Variants in DMD observed in about 807,000 individuals in gnomAD.
The protein encoded by DMD is dystrophin.
DMD carries 63 observed loss-of-function variants against 330.1 expected under a neutral mutation model. The observed-to-expected ratio is 0.19, with a 90% CI of 0.16 to 0.24. The LOEUF (loss-of-function observed/expected upper bound fraction) is 0.24, where lower values mean the gene tolerates loss of function less well. DMD is among the 10% of genes least tolerant of loss of function. The pLI is 1.00. For missense variants in DMD, 3,344 were observed against 2,684.1 expected (o/e 1.25, Z -5.43); for synonymous variants, 1,223 against 959.8 (o/e 1.27, Z -5.07).
intron 7 of DMD, among the ~76,000 whole-genome samples, chrX:32,807,122 TAAAAAAAAAAAAAAAAA>T (rs999286386): frequency 4.8e-5 from 1 of 20,744 alleles, no homozygotes; most frequent in South Asian, 2.2e-3. Flanking sequence ...CGGAAACATT[TAAAAAAAAAAAAAAAAA>T]AAAAAAAAAA....
At chrX:31,265,947 A>G (rs959694803) in intron 62 of DMD, among the ~76,000 whole-genome samples, 5 of 108,830 alleles carry the variant, frequency 4.6e-5, no homozygotes, top group Middle Eastern at 9.2e-3. Context: ...AACAGTTTAT[A>G]ATTAATATTA....
intron 9 of DMD, among the ~76,000 whole-genome samples, chrX:32,674,877 CTT>C (rs1344742766): frequency 1.8e-5 from 2 of 111,198 alleles, no homozygotes; most frequent in African/African-American, 6.5e-5. Flanking sequence ...ACCTTGAACT[CTT>C]TACTTAGCCA....
intron 53 of DMD, among the ~76,000 whole-genome samples, chrX:31,672,819 G>A (rs779551219): frequency 8.9e-6 from 1 of 111,768 alleles, no homozygotes; most frequent in African/African-American, 3.3e-5. Context: ...CATGTCAGAG[G>A]TTGCCAAAAT....
intron 43 of DMD, among the ~76,000 whole-genome samples, chrX:32,252,953 TAA>T (rs897143846): frequency 1.4e-4 from 13 of 89,666 alleles, no homozygotes; most frequent in Non-Finnish European, 2.7e-4. Context: ...TAAATATATA[TAA>T]ATATATATAT....
chrX:31,753,982 C>A (rs1399403954), intron 51 of DMD, among the ~76,000 whole-genome samples: 4 of 111,346 alleles, frequency 3.6e-5, no homozygotes, highest in African/African-American at 1.3e-4. Flanking sequence ...TTGTTTTCTA[C>A]AGCACAATGA....
At chrX:31,629,764 GA>G (rs2079040256) in intron 54 of DMD, among the ~76,000 whole-genome samples, 3 of 111,813 alleles carry the variant, frequency 2.7e-5, no homozygotes, top group Admixed American at 1.9e-4. Context: ...CTTACAGTTT[GA>G]ACCATGTGTA....
chrX:32,401,141 T>C (rs2098083359), intron 30 of DMD, among the ~76,000 whole-genome samples: 1 of 86,287 alleles, frequency 1.2e-5, no homozygotes, highest in African/African-American at 4.7e-5. Context: ...TGAGAGCACA[T>C]GGACACAGGA....
chrX:33,089,521 C>A (rs756372880), intron 1 of DMD, among the ~76,000 whole-genome samples: 1 of 109,770 alleles, frequency 9.1e-6, no homozygotes, highest in African/African-American at 3.3e-5. Context: ...TAGTGAGACA[C>A]CATCTCAAAA....
intron 9 of DMD, among the ~76,000 whole-genome samples, chrX:32,662,573 C>T (rs1372733945): frequency 9.0e-6 from 1 of 111,621 alleles, no homozygotes; most frequent in African/African-American, 3.3e-5. Flanking sequence ...TTTATTAACA[C>T]GGGTTGTTCC....
chrX:31,970,290 G>A (rs903466843), intron 44 of DMD, among the ~76,000 whole-genome samples: 4 of 110,263 alleles, frequency 3.6e-5, no homozygotes, highest in African/African-American at 1.3e-4. Flanking sequence ...TAGAAAGAAA[G>A]GAAGGGAGGA....
chrX:32,190,555 T>G lies in DMD; in HGVS notation c.6438+26361A>C, dbSNP rs1329892184. Among the ~76,000 whole-genome samples, 3 of 67,594 alleles carry G rather than the reference T, an allele frequency of 4.4e-5. No individual in the cohort carries two copies. The Admixed American group carries it at 4.9e-4, about 11-fold the overall frequency. 58.7% of individuals were successfully genotyped at this position (67,594 alleles called of 115,157 possible). ...AGCTAACCATATTTAAAATTTTATA[T>G]ATATATATATATATATATATATATA... is the stretch of plus-strand genomic sequence containing the variant. On this transcript the variant is annotated intron_variant, in intron 44 of 78. Transcript: ENST00000357033.
intron 45 of DMD, among the ~76,000 whole-genome samples, chrX:31,967,498 C>T (rs1017930987): frequency 2.8e-5 from 3 of 108,540 alleles, no homozygotes; most frequent in Non-Finnish European, 5.8e-5. Context: ...TACATCTTAA[C>T]GAAAGATATT....
chrX:31,990,138 G>A (rs947686524), intron 44 of DMD, among the ~76,000 whole-genome samples: 5 of 112,335 alleles, frequency 4.5e-5, no homozygotes, highest in African/African-American at 1.3e-4. Flanking sequence ...ATAAACTAGC[G>A]CTTAATGTCT....
chrX:31,691,000 GGAGA>G (rs1412060031), intron 52 of DMD, among the ~76,000 whole-genome samples: 2 of 110,392 alleles, frequency 1.8e-5, no homozygotes, highest in African/African-American at 6.6e-5. Context: ...GATAGCATTG[GGAGA>G]TATACCTAAT....
intron 60 of DMD, among the ~76,000 whole-genome samples, chrX:31,433,513 G>T (rs2149015659): frequency 9.4e-6 from 1 of 106,282 alleles, no homozygotes; most frequent in South Asian, 4.4e-4. Context: ...CTGGAGTGCA[G>T]TGGCATGATC....
chrX:32,694,866 G>A (rs1215329266), intron 9 of DMD, among the ~76,000 whole-genome samples: 19 of 111,119 alleles, frequency 1.7e-4, no homozygotes, highest in Non-Finnish European at 1.9e-5. Context: ...ATGTTGGTTC[G>A]GTTGGTCTCG....
At chrX:31,795,491 A>G (rs987543065) in intron 50 of DMD, among the ~76,000 whole-genome samples, 4 of 111,889 alleles carry the variant, frequency 3.6e-5, no homozygotes, top group African/African-American at 1.3e-4. Context: ...TGAGGAGGTC[A>G]AAGCTGACGC....
chrX:32,825,362 T>C (rs979301155), intron 4 of DMD, among the ~76,000 whole-genome samples: 1 of 110,845 alleles, frequency 9.0e-6, no homozygotes, highest in Non-Finnish European at 1.9e-5. Context: ...CTTGTCCTCA[T>C]AAAAGGTCTC....
At chrX:32,188,811 C>A (rs1221772667) in intron 44 of DMD, among the ~76,000 whole-genome samples, 1 of 110,333 alleles carries the variant, frequency 9.1e-6, no homozygotes, top group Non-Finnish European at 1.9e-5. Flanking sequence ...AATTATATTG[C>A]CCCCAAACAC....
Sources: gnomAD v4.1 joint callset for allele counts (sites outside exome capture counted in the v4.1 genomes callset) on GRCh38, gnomAD v4.1.1 for gene constraint, MANE v1.5 for transcripts, NCBI Gene and HGNC (gene_info 2026-07-23, HGNC 2026-07-21) for gene names.